Variants in CCDC3 observed in about 807,000 individuals in gnomAD.
CCDC3 encodes the protein coiled-coil domain-containing protein 3.
A neutral mutation model predicts 21.4 loss-of-function variants in CCDC3; 24 were observed. The observed-to-expected ratio is 1.12, with a 90% CI of 0.81 to 1.58. CCDC3 has a LOEUF of 1.58. Ranked by LOEUF, CCDC3 falls within the 40% of genes most tolerant of loss-of-function variation. CCDC3 has a pLI of 0.00. For missense variants in CCDC3, 425 were observed against 360.9 expected (o/e 1.18, Z -1.44); for synonymous variants, 186 against 166.0 (o/e 1.12, Z -0.93).
chr10:13,058,008 A>G (rs1836704532), intron 4 of CCDC3: 1 of 711,258 alleles, frequency 1.4e-6, no homozygotes, highest in Non-Finnish European at 2.6e-6. Flanking sequence ...ATATATTGAA[A>G]GAACTGTTTC....
chr10:13,015,153 T>C (rs1836037811), intron 5 of CCDC3, among the ~76,000 whole-genome samples: 1 of 152,114 alleles, frequency 6.6e-6, no homozygotes, highest in Admixed American at 6.5e-5. Flanking sequence ...TTGACTTCAG[T>C]GGTAGCTATT....
chr10:12,917,017 C>T (rs1042121106), intron 2 of CCDC3, among the ~76,000 whole-genome samples: 10 of 152,038 alleles, frequency 6.6e-5, no homozygotes, highest in Non-Finnish European at 1.3e-4. Context: ...GGCTGTGAGG[C>T]CCTTGCATGG....
At chr10:13,052,950 AC>A (rs1836628904) in intron 4 of CCDC3, among the ~76,000 whole-genome samples, 2 of 113,438 alleles carry the variant, frequency 1.8e-5, no homozygotes, top group African/African-American at 7.9e-5. Context: ...ACACACACAC[AC>A]ACACACACAC....
upstream of CCDC3, among the ~76,000 whole-genome samples, chr10:13,006,395 T>G (rs1835924891): frequency 6.6e-6 from 1 of 152,210 alleles, no homozygotes; most frequent in African/African-American, 2.4e-5. Flanking sequence ...ACCACCTCAT[T>G]AAGTTCATAG....
At position 12,973,069 on chromosome 10, in the gene CCDC3, G is replaced by C. The variant is rs181922318; in HGVS notation, c.549+25269C>G. Among the ~76,000 whole-genome samples, 112 of 152,296 alleles carry C rather than the reference G, an allele frequency of 7.4e-4. 2 individuals are homozygous for C. The highest frequency in any genetic ancestry group is 7.1e-3 in the Admixed American group (109 of 15,302). On this transcript the variant is annotated intron_variant, in intron 2 of 2. Coordinates refer to ENST00000378825, the MANE Select transcript of CCDC3 (RefSeq NM_031455.4). ...AAGGAATAGAAAATAAGGACAATGT[G>C]GCAGCTACCATTGACTGTGCCCTTA...
At chr10:13,014,438 A>G (rs1353504339) in intron 5 of CCDC3, among the ~76,000 whole-genome samples, 1 of 144,044 alleles carries the variant, frequency 6.9e-6, no homozygotes, top group Non-Finnish European at 1.5e-5. Context: ...CGACAGAGTG[A>G]GACTCTGTCT....
intron 5 of CCDC3, among the ~76,000 whole-genome samples, chr10:13,038,202 A>G (rs983102293): frequency 6.6e-6 from 1 of 152,078 alleles, no homozygotes; most frequent in African/African-American, 2.4e-5. Flanking sequence ...ACTGGGGCCT[A>G]TCAGAGGGTG....
intron 2 of CCDC3, among the ~76,000 whole-genome samples, chr10:12,915,460 T>TTGTC (rs1277030329): frequency 2.0e-5 from 3 of 152,240 alleles, no homozygotes; most frequent in African/African-American, 7.2e-5. Context: ...TTTGAATTCT[T>TTGTC]TGTCAGGTAG....
At chr10:12,995,467 C>T (rs989835715) in intron 2 of CCDC3, among the ~76,000 whole-genome samples, 2 of 152,196 alleles carry the variant, frequency 1.3e-5, no homozygotes, top group African/African-American at 4.8e-5. Flanking sequence ...GTCTTAAACT[C>T]CTGACCTCAA....
In CCDC3 at chr10:13,041,504, A is replaced by ATTTTTTTTT. The variant is rs71477255; in HGVS notation, c.-2+8161_-2+8169dup. On this transcript the variant is annotated intron_variant, in intron 5 of 6. Coordinates refer to the CCDC3 transcript ENST00000378839. Reference sequence around the variant, plus strand: ...GTTCACTCCAAGTGTCTGGCAGATAATTTTTTTTTTTTTTTTTTTTTTTTT... The same window carrying ATTTTTTTTT: ...GTTCACTCCAAGTGTCTGGCAGATAATTTTTTTTTTTTTTTTTTTTTTTTTTTTTTTTTT... Among the ~76,000 whole-genome samples the ATTTTTTTTT allele has an allele frequency of 5.0e-4, 31 of 62,110 alleles. 4 individuals carry two copies. The highest frequency in any genetic ancestry group is 1.6e-3 in the East Asian group (3 of 1,824). 40.7% of individuals were successfully genotyped at this position (62,110 alleles called of 152,430 possible). A position where few individuals can be genotyped will look rare whatever the true frequency, so the allele number is the denominator to read the frequency against.
At chr10:12,963,207 T>C (rs923428111) in intron 2 of CCDC3, among the ~76,000 whole-genome samples, 6 of 152,198 alleles carry the variant, frequency 3.9e-5, no homozygotes, top group Admixed American at 6.5e-5. Flanking sequence ...CTTTACCTCC[T>C]CTCAAGATAC....
chr10:12,987,552 T>G (rs1835615213), intron 2 of CCDC3, among the ~76,000 whole-genome samples: 2 of 152,182 alleles, frequency 1.3e-5, no homozygotes. Context: ...TGACACCCAG[T>G]TAGAACCCAG....
intron 5 of CCDC3, among the ~76,000 whole-genome samples, chr10:13,038,685 CAG>C (rs1157967746): frequency 6.6e-6 from 1 of 152,218 alleles, no homozygotes; most frequent in Non-Finnish European, 1.5e-5. Flanking sequence ...TATTTACAGA[CAG>C]AGAGCTCAGG....
chr10:13,053,434 G>T lies in CCDC3; in HGVS notation c.-269-3493C>A, dbSNP rs560848212. Among the ~76,000 whole-genome samples, 4 of 152,106 alleles carry T rather than the reference G, an allele frequency of 2.6e-5. No individual in the cohort carries two copies. The South Asian group carries it at 8.3e-4, about 32-fold the overall frequency. On this transcript the variant is annotated intron_variant, in intron 4 of 6. Transcript: ENST00000378839. ...AAAATTTAAAATTTAGCCAAGTGTG[G>T]TGGCATGCACCTATAGTCCCAGCTA... is the stretch of plus-strand genomic sequence containing the variant.
intron 2 of CCDC3, among the ~76,000 whole-genome samples, chr10:12,970,705 G>A (rs760697298): frequency 6.6e-6 from 1 of 152,126 alleles, no homozygotes; most frequent in South Asian, 2.1e-4. Context: ...GGCCAGCATG[G>A]TGAAACCCTG....
chr10:12,996,961 C>T (rs966052960), intron 2 of CCDC3, among the ~76,000 whole-genome samples: 2 of 152,074 alleles, frequency 1.3e-5, no homozygotes, highest in African/African-American at 4.8e-5. Context: ...GGAAAAACTA[C>T]CTCTCAGGTA....
At chr10:13,059,843 A>G (rs1836732199) in intron 4 of CCDC3, among the ~76,000 whole-genome samples, 1 of 152,086 alleles carries the variant, frequency 6.6e-6, no homozygotes, top group Non-Finnish European at 1.5e-5. Context: ...TAATCCCAGC[A>G]CTTTGGGAGG....
At chr10:12,952,175 T>C (rs1340249184) in intron 2 of CCDC3, among the ~76,000 whole-genome samples, 2 of 152,184 alleles carry the variant, frequency 1.3e-5, no homozygotes, top group Non-Finnish European at 2.9e-5. Context: ...CATGAACATA[T>C]TATCTAGCAG....
At chr10:13,098,710 A>ATCTTTTTTTTTTT (rs1832666637) in intron 2 of CCDC3, 1 of 64,854 alleles carries the variant, frequency 1.5e-5, no homozygotes, top group African/African-American at 6.6e-5. Context: ...TCCTGCACTG[A>ATCTTTTTTTTTTT]TTTTTTTTTT....
Sources: allele counts gnomAD v4.1 joint callset (sites outside exome capture counted in the v4.1 genomes callset), GRCh38; gene constraint gnomAD v4.1.1; transcripts MANE v1.5; gene names NCBI Gene and HGNC (gene_info 2026-07-23, HGNC 2026-07-21).